The following BCL11A variants were observed in gnomAD, a reference collection of about 807,000 sequenced individuals.
The protein encoded by BCL11A is B cell CLL/lymphoma 11A.
BCL11A carries 2 observed loss-of-function variants against 55.9 expected under a neutral mutation model. That is an observed-to-expected ratio of 0.04 (90% CI 0.01 to 0.11). The LOEUF (loss-of-function observed/expected upper bound fraction) is 0.11. BCL11A is among the 10% of genes least tolerant of loss of function. The pLI, the probability that BCL11A is intolerant of heterozygous loss-of-function variation, is 1.00. For missense variants in BCL11A, 817 were observed against 1,137.1 expected (o/e 0.72, Z 4.05); for synonymous variants, 465 against 473.4 (o/e 0.98, Z 0.23).
At chr2:60,528,540 G>T in intron 2 of BCL11A, 1 of 152,424 alleles carries the variant, frequency 6.6e-6, no homozygotes, top group Non-Finnish European at 1.5e-5. Context: ...TGAAAAACTT[G>T]ACCACAGAAC....
chr2:60,545,656 G>C (rs1670115521), intron 2 of BCL11A: 1 of 324,838 alleles, frequency 3.1e-6, no homozygotes, highest in Admixed American at 4.7e-5. Context: ...ACTAGGTGTA[G>C]TAAAGCTCAA....
chr2:60,512,419 A>T (rs1680035886), intron 2 of BCL11A, among the ~76,000 whole-genome samples: 1 of 152,082 alleles, frequency 6.6e-6, no homozygotes, highest in Admixed American at 6.6e-5. Context: ...GGTATAAAGG[A>T]TCTGTCTCCT....
downstream of BCL11A, among the ~76,000 whole-genome samples, chr2:60,456,550 T>G (rs1223977909): frequency 6.6e-6 from 1 of 152,172 alleles, no homozygotes; most frequent in Non-Finnish European, 1.5e-5. Context: ...AGTGGCTGAT[T>G]CCAAAGATTT....
rs1670156712 is a variant in BCL11A, at chr2:60,546,337, G to A, written c.56-37C>T. 1.3e-6 allele frequency: 2 copies of A among 1,573,056 alleles called. No homozygotes were observed. Among genetic ancestry groups the A allele is most frequent in the South Asian group, 2.3e-5 (2 of 88,246 alleles). ...GAAACAAAAGCACAATTATTAGAGT[G>A]CCAGAGAGGACAGAAAGGGGAGAAG... is the stretch of plus-strand genomic sequence containing the variant. On this transcript the variant is annotated intron_variant, in intron 1 of 3. Coordinates refer to ENST00000642384, the MANE Select transcript of BCL11A (RefSeq NM_022893.4). This position sits in a 1 kb window ranked among gnomAD's most constrained non-coding sequence, Gnocchi z 4.1.
chr2:60,546,305 G>T lies in BCL11A; in HGVS notation c.56-5C>A, dbSNP rs1375881000. The T allele has an allele frequency of 1.9e-6, 3 of 1,609,738 alleles. No individual in the cohort carries two copies. The highest frequency in any genetic ancestry group is 1.7e-5 in the Admixed American group (1 of 59,548). On this transcript the variant is annotated splice_polypyrimidine_tract_variant and splice_region_variant and intron_variant, in intron 1 of 3. Transcript: ENST00000642384. This position sits in a 1 kb window ranked among gnomAD's most constrained non-coding sequence, Gnocchi z 4.1. ...GAATGGCTTCAAGAGGCTCGGCTGT[G>T]GTTGGAGAAACAAAAGCACAATTAT...
In BCL11A at chr2:60,458,367, C is replaced by T; in HGVS notation, c.*2037G>A. 1 of 1,025,458 alleles carries T rather than the reference C, an allele frequency of 9.8e-7. No individual in the cohort carries two copies. Among genetic ancestry groups the T allele is most frequent in the Non-Finnish European group, 1.2e-6 (1 of 854,094 alleles). 63.5% of individuals were successfully genotyped at this position (1,025,458 alleles called of 1,614,324 possible). On this transcript the variant is annotated 3_prime_UTR_variant, in exon 4 of 4. Coordinates refer to ENST00000642384, the MANE Select transcript of BCL11A (RefSeq NM_022893.4). ...ATGGATAACAAGTCTTGTAACACCA[C>T]CAAGACAATGGAACCCTAAAATGCA...
At chr2:60,540,975 T>TGG (rs1445054079) in intron 2 of BCL11A, among the ~76,000 whole-genome samples, 2 of 151,896 alleles carry the variant, frequency 1.3e-5, no homozygotes, top group African/African-American at 2.4e-5. Flanking sequence ...TGTGTGTGTG[T>TGG]GTGTGTGTGT....
chr2:60,534,203 G>C (rs1485801715), intron 2 of BCL11A: 3 of 152,234 alleles, frequency 2.0e-5, no homozygotes, highest in Non-Finnish European at 4.4e-5. Flanking sequence ...GAGACACTGG[G>C]AGCCCAGGGA....
intron 2 of BCL11A, among the ~76,000 whole-genome samples, chr2:60,481,126 C>A (rs1677930071): frequency 6.6e-6 from 1 of 152,052 alleles, no homozygotes; most frequent in Non-Finnish European, 1.5e-5. Flanking sequence ...GTGGTGGCCG[C>A]AGCTCAGGGA....
chr2:60,531,197 G>A (rs965747001), intron 2 of BCL11A, among the ~76,000 whole-genome samples: 8 of 150,176 alleles, frequency 5.3e-5, no homozygotes, highest in Non-Finnish European at 8.9e-5. Context: ...ACCCTACTCC[G>A]GTCCAGGTTT....
chr2:60,549,132 G>A (rs953033794), intron 1 of BCL11A, among the ~76,000 whole-genome samples: 5 of 152,152 alleles, frequency 3.3e-5, no homozygotes, highest in African/African-American at 9.7e-5. Flanking sequence ...TTCTCTCTAC[G>A]AGGGGAGGAA....
chr2:60,506,109 T>C (rs1046500117), intron 2 of BCL11A, among the ~76,000 whole-genome samples: 1 of 148,724 alleles, frequency 6.7e-6, no homozygotes, highest in Non-Finnish European at 1.5e-5. Flanking sequence ...AAAAATCCCC[T>C]TTCCCAGCCA....
chr2:60,489,086 G>GA (rs1475270051), intron 2 of BCL11A, among the ~76,000 whole-genome samples: 2 of 151,742 alleles, frequency 1.3e-5, no homozygotes, highest in Non-Finnish European at 2.9e-5. Flanking sequence ...TATCTTCAAA[G>GA]AAAAAAAATG....
intron 2 of BCL11A, chr2:60,532,954 T>G (rs1397467304): frequency 1.3e-5 from 2 of 152,232 alleles, no homozygotes; most frequent in East Asian, 3.8e-4. Flanking sequence ...TCCTGTAGAA[T>G]TATTTGTGTA....
At chr2:60,522,063 A>G (rs1317542192) in intron 2 of BCL11A, 1 of 152,154 alleles carries the variant, frequency 6.6e-6, no homozygotes, top group African/African-American at 2.4e-5. Context: ...AAGAAACAAC[A>G]CCGACTAAAC....
In BCL11A at chr2:60,553,609, G is replaced by C. The variant is rs1276213487; in HGVS notation, c.-339C>G. The C allele has an allele frequency of 5.7e-5, 21 of 365,984 alleles. No homozygotes were observed. The highest frequency in any genetic ancestry group is 9.6e-5 in the Non-Finnish European group (20 of 208,970). The allele number at this position is 365,984 out of a possible 1,614,324, so 22.7% of individuals were successfully genotyped here. ...GAGCTGCAAGTTCAAGTGCGGACGT[G>C]ACGTCCCTGCGAACTTGAACGTCAG... On this transcript the variant is annotated 5_prime_UTR_variant, in exon 1 of 4. Coordinates refer to ENST00000642384, the MANE Select transcript of BCL11A (RefSeq NM_022893.4).
intron 2 of BCL11A, among the ~76,000 whole-genome samples, chr2:60,509,657 G>A (rs1679870677): frequency 6.6e-6 from 1 of 152,078 alleles, no homozygotes; most frequent in Admixed American, 6.5e-5. Context: ...CAACAGAGAA[G>A]GAAAAAGAAC....
At chr2:60,489,674 G>A (rs1374355814) in intron 2 of BCL11A, among the ~76,000 whole-genome samples, 1 of 152,208 alleles carries the variant, frequency 6.6e-6, no homozygotes, top group Non-Finnish European at 1.5e-5. Flanking sequence ...TGGGTCACTA[G>A]CATCTCTGCT....
At chr2:60,552,662 T>A (rs1388659910) in intron 1 of BCL11A, among the ~76,000 whole-genome samples, 13 of 152,140 alleles carry the variant, frequency 8.5e-5, no homozygotes, top group Admixed American at 8.5e-4. Context: ...ATGACTACTT[T>A]CCTCCCGCTG....
Sources: gnomAD v4.1 joint callset for allele counts (sites outside exome capture counted in the v4.1 genomes callset) on GRCh38, gnomAD v4.1.1 for gene constraint, Gnocchi (gnomAD v3.1) non-coding constraint, MANE v1.5 for transcripts, NCBI Gene and HGNC (gene_info 2026-07-23, HGNC 2026-07-21) for gene names.